Variants in CHCHD6 observed in about 807,000 individuals in gnomAD.
The protein encoded by CHCHD6 is MICOS complex subunit MIC25.
In CHCHD6, 28 loss-of-function variants were observed where a neutral mutation model predicts 32.3. The observed-to-expected ratio is 0.87, with a 90% CI of 0.64 to 1.19. The LOEUF is 1.19. Among genes scored for constraint, CHCHD6 ranks in the 50% most tolerant of loss-of-function variants. CHCHD6 has a pLI of 0.00. For synonymous variants in CHCHD6, 122 were observed against 117.5 expected (o/e 1.04, Z -0.25); for missense variants, 333 against 307.0 (o/e 1.08, Z -0.63).
chr3:126,731,961 C>T (rs918796501), intron 3 of CHCHD6, among the ~76,000 whole-genome samples: 5 of 151,790 alleles, frequency 3.3e-5, no homozygotes, highest in African/African-American at 1.2e-4. Context: ...TGCCTGTAGT[C>T]CCAGCTGCTC....
intron 5 of CHCHD6, among the ~76,000 whole-genome samples, chr3:126,908,140 A>G (rs1205910415): frequency 6.6e-6 from 1 of 152,240 alleles, no homozygotes; most frequent in Non-Finnish European, 1.5e-5. Flanking sequence ...GAGTGGACAT[A>G]TCACTGTTTG....
chr3:126,862,711 T>TCCG (rs1941981002), intron 5 of CHCHD6, among the ~76,000 whole-genome samples: 7 of 74,648 alleles, frequency 9.4e-5, no homozygotes, highest in Non-Finnish European at 1.3e-4. Flanking sequence ...CACCACCTCC[T>TCCG]CCTCCTCTAC....
chr3:126,745,600 C>T (rs917556247), intron 4 of CHCHD6, among the ~76,000 whole-genome samples: 1 of 152,182 alleles, frequency 6.6e-6, no homozygotes, highest in African/African-American at 2.4e-5. Context: ...GGACAGCGAA[C>T]AGAGTGCTTT....
chr3:126,784,961 C>T (rs1449960653), intron 4 of CHCHD6, among the ~76,000 whole-genome samples: 5 of 152,048 alleles, frequency 3.3e-5, no homozygotes, highest in Admixed American at 2.0e-4. Flanking sequence ...ATTTATTTTT[C>T]CTGCTTCTAG....
intron 3 of CHCHD6, among the ~76,000 whole-genome samples, chr3:126,731,643 T>A (rs1257225721): frequency 6.6e-6 from 1 of 152,160 alleles, no homozygotes; most frequent in African/African-American, 2.4e-5. Context: ...GAGGACCCAG[T>A]GGGTCAGCTT....
chr3:126,892,646 T>G (rs1398918678), intron 5 of CHCHD6, among the ~76,000 whole-genome samples: 1 of 152,244 alleles, frequency 6.6e-6, no homozygotes. Context: ...TTTCCTTCTC[T>G]GCATAAACCC....
At chr3:126,902,987 C>T (rs182927573) in intron 5 of CHCHD6, among the ~76,000 whole-genome samples, 30 of 152,252 alleles carry the variant, frequency 2.0e-4, no homozygotes, top group Admixed American at 1.7e-3. Context: ...AGTCAAGAGT[C>T]GGTGGTCAGT....
At chr3:126,860,192 G>T (rs1005630169) in intron 5 of CHCHD6, among the ~76,000 whole-genome samples, 3 of 152,160 alleles carry the variant, frequency 2.0e-5, no homozygotes, top group African/African-American at 7.2e-5. Context: ...AGAGCCTGGG[G>T]ATTCAGAGGG....
chr3:126,959,682 ACCTG>A (rs1045622522), intron 7 of CHCHD6, among the ~76,000 whole-genome samples: 1 of 152,116 alleles, frequency 6.6e-6, no homozygotes, highest in African/African-American at 2.4e-5. Context: ...AGAGCCTGGC[ACCTG>A]CCTGTGTGCA....
At chr3:126,927,361 A>G (rs2078339583) in intron 6 of CHCHD6, among the ~76,000 whole-genome samples, 1 of 152,198 alleles carries the variant, frequency 6.6e-6, no homozygotes, top group South Asian at 2.1e-4. Flanking sequence ...GGGCACAGGA[A>G]GCTGTCTGGG....
intron 4 of CHCHD6, among the ~76,000 whole-genome samples, chr3:126,816,485 G>A (rs1301934517): frequency 6.6e-6 from 1 of 152,148 alleles, no homozygotes; most frequent in African/African-American, 2.4e-5. Context: ...AGCTGTCATT[G>A]CCAGGAAAGC....
chr3:126,782,773 C>T (rs963508275), intron 4 of CHCHD6, among the ~76,000 whole-genome samples: 5 of 152,132 alleles, frequency 3.3e-5, no homozygotes, highest in East Asian at 1.9e-4. Flanking sequence ...TGGAGCACTT[C>T]GACTGTCTTG....
At chr3:126,939,689 A>G (rs1025411941) in intron 6 of CHCHD6, among the ~76,000 whole-genome samples, 1 of 152,256 alleles carries the variant, frequency 6.6e-6, no homozygotes, top group Non-Finnish European at 1.5e-5. Context: ...CGCCAAAATA[A>G]AATGACTGAT....
At chr3:126,908,445 AAAT>A (rs1220021139) in intron 5 of CHCHD6, among the ~76,000 whole-genome samples, 1 of 152,194 alleles carries the variant, frequency 6.6e-6, no homozygotes, top group Non-Finnish European at 1.5e-5. Context: ...TTGACTCTAT[AAAT>A]AACTAGGTCC....
chr3:126,755,838 A>ATGTGTG (rs58430251), intron 4 of CHCHD6, among the ~76,000 whole-genome samples: 1,756 of 145,942 alleles, frequency 0.012, 36 homozygotes, highest in African/African-American at 0.04. Flanking sequence ...CTGTGTGTGC[A>ATGTGTG]TGTGTGTGTG....
intron 7 of CHCHD6, 134 bp from the exon 8 acceptor site, chr3:126,960,062 G>C (rs1046620862): frequency 2.0e-6 from 2 of 1,000,536 alleles, no homozygotes; most frequent in South Asian, 2.8e-5. Context: ...TCACTGATGG[G>C]TCTCCAGGTG....
intron 4 of CHCHD6, among the ~76,000 whole-genome samples, chr3:126,808,732 T>C (rs1404738919): frequency 6.6e-6 from 1 of 152,142 alleles, no homozygotes; most frequent in Non-Finnish European, 1.5e-5. Context: ...AAATCAGGAC[T>C]GTAAAGTGGA....
At chr3:126,777,687 C>A (rs1937715135) in intron 4 of CHCHD6, among the ~76,000 whole-genome samples, 1 of 152,172 alleles carries the variant, frequency 6.6e-6, no homozygotes, top group Non-Finnish European at 1.5e-5. Flanking sequence ...GAGCTCCTTT[C>A]CAAGGCATTT....
chr3:126,896,279 GC>G (rs2077837649), intron 5 of CHCHD6, among the ~76,000 whole-genome samples: 1 of 152,200 alleles, frequency 6.6e-6, no homozygotes, highest in African/African-American at 2.4e-5. Flanking sequence ...ACCCTGGAGG[GC>G]ATATGTTCTC....
Sources: gnomAD v4.1 joint callset for allele counts (sites outside exome capture counted in the v4.1 genomes callset) on GRCh38, gnomAD v4.1.1 for gene constraint, MANE v1.5 for transcripts, NCBI Gene and HGNC (gene_info 2026-07-23, HGNC 2026-07-21) for gene names.